Variants in AGAP1 observed in about 807,000 individuals in gnomAD.
AGAP1 encodes the protein ArfGAP with GTPase domain, ankyrin repeat and PH domain 1, also known as arf-GAP with GTPase, ANK repeat and PH domain-containing protein 1.
In AGAP1, 29 loss-of-function variants were observed where a neutral mutation model predicts 105.3. That is an observed-to-expected ratio of 0.28 (90% CI 0.21 to 0.38). The LOEUF (loss-of-function observed/expected upper bound fraction) is 0.38. Among genes scored for constraint, AGAP1 ranks in the 10% least tolerant of loss-of-function variants. The pLI is 1.00. For missense variants in AGAP1, 998 were observed against 1,165.1 expected, an observed-to-expected ratio of 0.86 and a Z score of 2.09; for synonymous variants, 509 against 485.9, an observed-to-expected ratio of 1.05 and a Z score of -0.63.
At chr2:235,710,266 G>A (rs1037810893) in intron 2 of AGAP1, among the ~76,000 whole-genome samples, 1 of 152,226 alleles carries the variant, frequency 6.6e-6, no homozygotes, top group Non-Finnish European at 1.5e-5. Flanking sequence ...CTTCATGTCT[G>A]AGATGAGGAG....
At chr2:236,026,515 G>A (rs925317210) in intron 13 of AGAP1, among the ~76,000 whole-genome samples, 5 of 152,196 alleles carry the variant, frequency 3.3e-5, no homozygotes, top group African/African-American at 1.2e-4. Context: ...CATCACCTGA[G>A]GCCAGAAGTT....
In AGAP1 at chr2:235,931,628, G is replaced by A. The variant is rs542244921; in HGVS notation, c.1483+705G>A. Among the ~76,000 whole-genome samples, 25 of 152,084 alleles carry A rather than the reference G, an allele frequency of 1.6e-4. No individual in the cohort carries two copies. Among genetic ancestry groups the A allele is most frequent in the African/African-American group, 3.9e-4 (16 of 41,488 alleles). On this transcript the variant is annotated intron_variant, in intron 12 of 17. Coordinates refer to ENST00000304032, the MANE Select transcript of AGAP1 (RefSeq NM_001037131.3). The surrounding 1 kb of genome is among the most constrained non-coding windows in gnomAD (Gnocchi z 5.6). The stretch of plus-strand genomic sequence containing the variant: ...ACCGGTATTTAAAGGAATTCCCACT[G>A]TTGTATGTAATCTATCAGACGGGGT...
At chr2:236,032,192 T>C (rs2057244935) in intron 13 of AGAP1, among the ~76,000 whole-genome samples, 2 of 152,210 alleles carry the variant, frequency 1.3e-5, no homozygotes, top group African/African-American at 4.8e-5. Flanking sequence ...AAGCAGACTT[T>C]ATATGTCTTT....
chr2:235,833,836 A>T (rs1575580907), intron 9 of AGAP1, among the ~76,000 whole-genome samples: 1 of 144,026 alleles, frequency 6.9e-6, no homozygotes, highest in African/African-American at 2.6e-5. Context: ...AGTGCATCTC[A>T]CTCCAATCCT....
At position 236,014,248 on chromosome 2, in the gene AGAP1, A is replaced by G. The variant is rs940300087; in HGVS notation, c.1646-22313A>G. On this transcript the variant is annotated intron_variant, in intron 13 of 17. Coordinates refer to ENST00000304032, the MANE Select transcript of AGAP1 (RefSeq NM_001037131.3). The surrounding 1 kb of genome is among the most constrained non-coding windows in gnomAD (Gnocchi z 6.3). ...CCCTCCAGGACAGCAGAATGGCACTAGGGGGTTTTGCTGCTGTAGGTATTG... is the reference window on the plus strand; with the variant it reads ...CCCTCCAGGACAGCAGAATGGCACTGGGGGGTTTTGCTGCTGTAGGTATTG... 1.6e-4 allele frequency among the ~76,000 whole-genome samples: 24 copies of G among 152,184 alleles called. No individual in the cohort carries two copies. The highest frequency in any genetic ancestry group is 5.3e-4 in the African/African-American group (22 of 41,460).
chr2:235,518,055 G>A (rs1574744533), intron 1 of AGAP1, among the ~76,000 whole-genome samples: 2 of 152,298 alleles, frequency 1.3e-5, no homozygotes, highest in South Asian at 2.1e-4. Context: ...GCTCAGGCAG[G>A]CCCAGCCTCC....
chr2:236,123,450 C>T lies in AGAP1; in HGVS notation c.2371-469C>T, dbSNP rs561295599. Among the ~76,000 whole-genome samples the T allele has an allele frequency of 1.6e-4, 24 of 152,100 alleles. No homozygotes were observed. Among genetic ancestry groups the T allele is most frequent in the Non-Finnish European group, 3.2e-4 (22 of 68,036 alleles). On this transcript the variant is annotated intron_variant, in intron 17 of 17. Coordinates refer to ENST00000304032, the MANE Select transcript of AGAP1 (RefSeq NM_001037131.3). This position sits in a 1 kb window ranked among gnomAD's most constrained non-coding sequence, Gnocchi z 4.6. ...TGTACAGTCTTATCTCAATTATGTA[C>T]ATATACATGTAGATTCAAAGAAAAC... is the stretch of plus-strand genomic sequence containing the variant.
chr2:235,681,445 G>A (rs1011905200), intron 1 of AGAP1, among the ~76,000 whole-genome samples: 5 of 152,144 alleles, frequency 3.3e-5, no homozygotes, highest in African/African-American at 1.2e-4. Context: ...CCTCTGTCCT[G>A]TCACCTTTCC....
chr2:235,790,108 C>A (rs1956884107), intron 6 of AGAP1, among the ~76,000 whole-genome samples: 1 of 151,350 alleles, frequency 6.6e-6, no homozygotes, highest in Non-Finnish European at 1.5e-5. Flanking sequence ...AAGGTAGTGG[C>A]AAAAAAAATG....
At chr2:235,562,342 T>C (rs571592517) in intron 1 of AGAP1, among the ~76,000 whole-genome samples, 5 of 152,306 alleles carry the variant, frequency 3.3e-5, no homozygotes, top group African/African-American at 1.2e-4. Flanking sequence ...AAAGGTGTCT[T>C]TTTTTGCACC....
chr2:235,686,519 C>T (rs767297605), intron 1 of AGAP1, among the ~76,000 whole-genome samples: 51 of 144,910 alleles, frequency 3.5e-4, no homozygotes, highest in Non-Finnish European at 6.3e-4. Context: ...TGAAATTTGA[C>T]GTCCGAATTC....
chr2:235,895,268 G>A (rs1040116705), intron 10 of AGAP1, among the ~76,000 whole-genome samples: 24 of 152,106 alleles, frequency 1.6e-4, no homozygotes, highest in African/African-American at 5.6e-4. Context: ...GTTCTTTTAT[G>A]TATTTCCATG....
At chr2:236,111,532 G>A (rs1050245829) in intron 16 of AGAP1, among the ~76,000 whole-genome samples, 2 of 151,694 alleles carry the variant, frequency 1.3e-5, no homozygotes, top group African/African-American at 4.8e-5. Context: ...TGGGCACTGT[G>A]TCTCAACACT....
chr2:235,985,701 T>TC (rs2055284740), intron 13 of AGAP1, among the ~76,000 whole-genome samples: 1 of 152,216 alleles, frequency 6.6e-6, no homozygotes, highest in African/African-American at 2.4e-5. Flanking sequence ...TAGCCAGTTT[T>TC]CCCAGCACCA....
At chr2:235,616,374 G>A (rs1013772981) in intron 1 of AGAP1, among the ~76,000 whole-genome samples, 4 of 151,076 alleles carry the variant, frequency 2.6e-5, no homozygotes, top group Non-Finnish European at 4.4e-5. Context: ...AAAAAAAAAA[G>A]GTGACCTCTT....
At position 235,682,845 on chromosome 2, in the gene AGAP1, C is replaced by T. The variant is rs1243401141; in HGVS notation, c.164-26334C>T. Among the ~76,000 whole-genome samples, 5 of 148,476 alleles carry T rather than the reference C, an allele frequency of 3.4e-5. No homozygotes were observed. In the East Asian group the frequency reaches 9.7e-4, roughly 29 times the overall value. Reference sequence around the variant, plus strand: ...TTTCAGGCAGCACGAGCACGGAATTCATGTTCCGGTCTGTTGCCAGCTGCT... The same window carrying T: ...TTTCAGGCAGCACGAGCACGGAATTTATGTTCCGGTCTGTTGCCAGCTGCT... On this transcript the variant is annotated intron_variant, in intron 1 of 17. Coordinates refer to ENST00000304032, the MANE Select transcript of AGAP1 (RefSeq NM_001037131.3).
At chr2:235,671,331 G>A (rs1055812940) in intron 1 of AGAP1, among the ~76,000 whole-genome samples, 9 of 152,172 alleles carry the variant, frequency 5.9e-5, no homozygotes, top group African/African-American at 2.2e-4. Context: ...GCCAGCCGGC[G>A]CCGACCTCCT....
chr2:235,642,023 T>C lies in AGAP1; in HGVS notation c.164-67156T>C, dbSNP rs1427936835. Among the ~76,000 whole-genome samples the C allele has an allele frequency of 1.3e-5, 2 of 152,274 alleles. No individual in the cohort carries two copies. The highest frequency in any genetic ancestry group is 4.8e-5 in the African/African-American group (2 of 41,480). Reference sequence around the variant, plus strand: ...ATTGTCCATTTCTTCAGGTATCTTCTTACATCATCTTGCTTCTTTACTCAG... The same window carrying C: ...ATTGTCCATTTCTTCAGGTATCTTCCTACATCATCTTGCTTCTTTACTCAG... On this transcript the variant is annotated intron_variant, in intron 1 of 17. Coordinates refer to ENST00000304032, the MANE Select transcript of AGAP1 (RefSeq NM_001037131.3). The surrounding 1 kb of genome is among the most constrained non-coding windows in gnomAD (Gnocchi z 4.1).
chr2:236,063,569 G>A (rs1191945946), intron 16 of AGAP1, among the ~76,000 whole-genome samples: 1 of 152,232 alleles, frequency 6.6e-6, no homozygotes, highest in East Asian at 1.9e-4. Flanking sequence ...AAAGGTAAAA[G>A]TTGCACACAT....
Sources: allele counts gnomAD v4.1 joint callset (sites outside exome capture counted in the v4.1 genomes callset), GRCh38; gene constraint gnomAD v4.1.1; non-coding constraint Gnocchi (gnomAD v3.1); transcripts MANE v1.5; gene names NCBI Gene and HGNC (gene_info 2026-07-23, HGNC 2026-07-21).